The following NR5A2 variants were observed in gnomAD, a reference collection of about 807,000 sequenced individuals.
NR5A2 encodes nuclear receptor subfamily 5 group A member 2.
A neutral mutation model predicts 62.7 loss-of-function variants in NR5A2; 26 were observed. That is an observed-to-expected ratio of 0.41 (90% confidence interval 0.30 to 0.58). The LOEUF (loss-of-function observed/expected upper bound fraction) is 0.58, where lower values mean the gene tolerates loss of function less well. Ranked by LOEUF, NR5A2 falls within the 20% of genes least tolerant of loss-of-function variation. The probability of loss-of-function intolerance (pLI) is 0.22; values close to 1 mark genes in which losing one functional copy is unlikely to be tolerated. For missense variants in NR5A2, 541 were observed against 669.1 expected (o/e 0.81, Z 2.11); for synonymous variants, 246 against 241.7 (o/e 1.02, Z -0.16).
At chr1:200,095,562 T>A (rs565635317) in intron 5 of NR5A2, among the ~76,000 whole-genome samples, 182 of 151,190 alleles carry the variant, frequency 1.2e-3, no homozygotes, top group African/African-American at 3.8e-3. Flanking sequence ...AGTAATATAT[T>A]TTTTTTTTGA....
In NR5A2 at chr1:200,174,333, G is replaced by C. The variant is rs866274476; in HGVS notation, c.*123G>C. ...TCCAAGTAACGCTAATTAAAAACTT[G>C]CTTTAAAGATATTGAATTTAAAAAG... On this transcript the variant is annotated 3_prime_UTR_variant, in exon 8 of 8. Transcript: ENST00000367362. 9.9e-7 allele frequency: 1 copy of C among 1,009,682 alleles called. No homozygotes were observed. Among genetic ancestry groups the C allele is most frequent in the African/African-American group, 1.6e-5 (1 of 60,988 alleles). The allele number at this position is 1,009,682 out of a possible 1,614,324, so 62.5% of individuals were successfully genotyped here.
chr1:200,111,359 T>C, intron 6 of NR5A2, 38 bp downstream of exon 6: 4 of 1,572,218 alleles, frequency 2.5e-6, no homozygotes, highest in Non-Finnish European at 3.4e-6. Flanking sequence ...AAAGCATCTT[T>C]TTATTAAGCA....
Position 200,062,275 on chromosome 1 carries a change from G to A in NR5A2, c.1110+13457G>A, listed in dbSNP as rs1482213288. On this transcript the variant is annotated intron_variant, in intron 5 of 7. Coordinates refer to ENST00000367362, the MANE Select transcript of NR5A2 (RefSeq NM_205860.3). ...TGTGTGTGTATCTGTGTCCATGTGT[G>A]TATCGCAGTGTTTTGAGTGCATATC... Among the ~76,000 whole-genome samples, 3 of 149,428 alleles carry A rather than the reference G, an allele frequency of 2.0e-5. No homozygotes were observed. The South Asian group carries it at 6.3e-4, about 31-fold the overall frequency.
At chr1:200,082,519 C>T (rs558318552) in intron 5 of NR5A2, among the ~76,000 whole-genome samples, 6 of 151,692 alleles carry the variant, frequency 4.0e-5, no homozygotes, top group South Asian at 2.1e-4. Flanking sequence ...TGAGTCAAAC[C>T]GAAAAAAATG....
In NR5A2 at chr1:200,176,555, T is replaced by A. The variant is rs183934944; in HGVS notation, c.*2345T>A. ...GTGTGGTCAACAGTTAATGAAACGG[T>A]TCTATCATGCATGTGTAATGTGGAT... On this transcript the variant is annotated 3_prime_UTR_variant, in exon 8 of 8. Transcript: ENST00000367362. 6.6e-6 allele frequency: 1 copy of A among 152,348 alleles called. No individual in the cohort carries two copies. Among genetic ancestry groups the A allele is most frequent in the East Asian group, 1.9e-4 (1 of 5,190 alleles). The allele number at this position is 152,348 out of a possible 1,614,324, so 9.4% of individuals were successfully genotyped here.
chr1:200,078,345 G>A (rs1664137762), intron 5 of NR5A2, among the ~76,000 whole-genome samples: 1 of 152,124 alleles, frequency 6.6e-6, no homozygotes, highest in Admixed American at 6.5e-5. Context: ...ATGAACTAAG[G>A]TGCACTTGCC....
intron 7 of NR5A2, among the ~76,000 whole-genome samples, chr1:200,141,115 C>T (rs1667425918): frequency 6.6e-6 from 1 of 152,180 alleles, no homozygotes; most frequent in Non-Finnish European, 1.5e-5. Flanking sequence ...TTGCATATTT[C>T]ACCAGTTTAA....
chr1:200,133,034 C>A (rs564260149), intron 7 of NR5A2, among the ~76,000 whole-genome samples: 4 of 152,300 alleles, frequency 2.6e-5, no homozygotes, highest in Admixed American at 2.0e-4. Flanking sequence ...AGGATTTGAA[C>A]TGAAATTTTT....
intron 7 of NR5A2, among the ~76,000 whole-genome samples, chr1:200,124,756 T>C (rs890528310): frequency 2.0e-5 from 3 of 151,672 alleles, no homozygotes; most frequent in Non-Finnish European, 4.4e-5. Flanking sequence ...CTGGGCAACA[T>C]AGGGAGACCC....
intron 5 of NR5A2, among the ~76,000 whole-genome samples, chr1:200,098,774 C>T (rs1024022075): frequency 5.3e-5 from 8 of 152,152 alleles, no homozygotes; most frequent in Non-Finnish European, 1.2e-4. Flanking sequence ...TGTCCCCAGT[C>T]CAGGTAATGA....
At position 200,147,399 on chromosome 1, in the gene NR5A2, T is replaced by C. The variant is rs906944271; in HGVS notation, c.1378+26444T>C. On this transcript the variant is annotated intron_variant, in intron 7 of 7. Transcript: ENST00000367362. The surrounding 1 kb of genome is among the most constrained non-coding windows in gnomAD (Gnocchi z 4.9). ...ACCTTAGTTCCTCTCGGAGTCTGTA[T>C]GGGTCTGGGCGAGATGCAGGCAGCT... is the stretch of plus-strand genomic sequence containing the variant. 3 of 417,562 alleles carry C rather than the reference T, an allele frequency of 7.2e-6. No homozygotes were observed. The highest frequency in any genetic ancestry group is 6.1e-5 in the African/African-American group (3 of 48,942). The allele number at this position is 417,562 out of a possible 1,614,324, so 25.9% of individuals were successfully genotyped here.
intron 7 of NR5A2, among the ~76,000 whole-genome samples, chr1:200,127,995 G>A (rs527319701): frequency 5.9e-5 from 9 of 151,938 alleles, no homozygotes; most frequent in Admixed American, 3.9e-4. Flanking sequence ...TCTATTGGTA[G>A]AAGCAGAGAA....
At chr1:200,154,368 A>G (rs1653278868) in intron 7 of NR5A2, among the ~76,000 whole-genome samples, 1 of 152,222 alleles carries the variant, frequency 6.6e-6, no homozygotes, top group Non-Finnish European at 1.5e-5. Flanking sequence ...CTCTAGACCA[A>G]AACATGCAAA....
At chr1:200,086,178 C>T (rs1293787162) in intron 5 of NR5A2, among the ~76,000 whole-genome samples, 1 of 152,212 alleles carries the variant, frequency 6.6e-6, no homozygotes, top group Admixed American at 6.5e-5. Context: ...GTATGATTCA[C>T]TTACTGTTGT....
intron 7 of NR5A2, among the ~76,000 whole-genome samples, chr1:200,171,868 G>A (rs1418623252): frequency 6.6e-6 from 1 of 152,154 alleles, no homozygotes. Flanking sequence ...TATGTTTGTT[G>A]GTAGTTTTCT....
intron 7 of NR5A2, among the ~76,000 whole-genome samples, chr1:200,151,939 G>A (rs191142701): frequency 6.6e-6 from 1 of 152,310 alleles, no homozygotes; most frequent in Admixed American, 6.5e-5. Flanking sequence ...AATATTACCA[G>A]GGTCTTAATC....
rs773676381 is a variant in NR5A2, at chr1:200,120,914, G to A, written c.1337G>A (p.Arg446Gln). 1.3e-5 allele frequency: 21 copies of A among 1,613,774 alleles called. No individual in the cohort carries two copies. In the South Asian group the frequency reaches 1.4e-4, roughly 11 times the overall value. The change falls in exon 7 of 8, where the codon CGA becomes CAA. Residue 446 changes from arginine (R) to glutamine (Q), a missense_variant. Arg to Gln is a conservative substitution (Grantham distance 43). Coordinates refer to ENST00000367362, the MANE Select transcript of NR5A2 (RefSeq NM_205860.3). ...CTTCGTTCTCTCCAGTTTGATCAAC[G>A]AGAGTTCGTATGTCTGAAATTCTTG... ...AKLRSLQFDQREFVCLKFLVL... is the reference protein window; with the variant it reads ...AKLRSLQFDQQEFVCLKFLVL...
At chr1:200,028,968 T>C (rs1164755203) in intron 1 of NR5A2, 1 of 393,962 alleles carries the variant, frequency 2.5e-6, no homozygotes, top group African/African-American at 2.2e-5. Flanking sequence ...AAATGTTCTA[T>C]ACTTACGAAA....
At chr1:200,045,064 A>G (rs1662294989) in intron 3 of NR5A2, among the ~76,000 whole-genome samples, 1 of 152,096 alleles carries the variant, frequency 6.6e-6, no homozygotes, top group Non-Finnish European at 1.5e-5. Flanking sequence ...AAATTATATC[A>G]GACTACTTAA....
Sources: gnomAD v4.1 joint callset for allele counts (sites outside exome capture counted in the v4.1 genomes callset) on GRCh38, gnomAD v4.1.1 for gene constraint, Gnocchi (gnomAD v3.1) non-coding constraint, MANE v1.5 for transcripts, NCBI Gene and HGNC (gene_info 2026-07-23, HGNC 2026-07-21) for gene names.